Variants in ORC4 observed in about 807,000 individuals in gnomAD.
ORC4 encodes the protein origin recognition complex, subunit 4 homolog.
ORC4 carries 55 observed loss-of-function variants against 63.9 expected under a neutral mutation model. The observed-to-expected ratio is 0.86, with a 90% CI of 0.69 to 1.08. The LOEUF (loss-of-function observed/expected upper bound fraction) is 1.08. Ranked by LOEUF, ORC4 falls within the 50% of genes least tolerant of loss-of-function variation. The pLI is 0.00. For synonymous variants in ORC4, 150 were observed against 168.5 expected (o/e 0.89, Z 0.85); for missense variants, 511 against 504.4 (o/e 1.01, Z -0.13).
intron 4 of ORC4, among the ~76,000 whole-genome samples, chr2:147,963,112 C>A (rs886226345): frequency 6.6e-6 from 1 of 152,184 alleles, no homozygotes; most frequent in Non-Finnish European, 1.5e-5. Context: ...CCCTATAACT[C>A]CATCAGACAT....
At chr2:147,990,255 C>G (rs114194417) in intron 1 of ORC4, among the ~76,000 whole-genome samples, 1 of 152,136 alleles carries the variant, frequency 6.6e-6, no homozygotes, top group Non-Finnish European at 1.5e-5. Context: ...AGTCAAATAA[C>G]GTAAAATGAA....
intron 1 of ORC4, among the ~76,000 whole-genome samples, chr2:147,978,695 T>C (rs773388387): frequency 6.6e-6 from 1 of 152,130 alleles, no homozygotes; most frequent in Non-Finnish European, 1.5e-5. Context: ...CCTTGATGAA[T>C]ATAGGTGCAA....
intron 4 of ORC4, among the ~76,000 whole-genome samples, chr2:147,965,292 A>G (rs1339875217): frequency 6.6e-6 from 1 of 152,168 alleles, no homozygotes; most frequent in Non-Finnish European, 1.5e-5. Flanking sequence ...TCACTTATCA[A>G]TAATAATCTT....
chr2:148,012,696 C>G (rs1480381421), intron 1 of ORC4, among the ~76,000 whole-genome samples: 1 of 151,922 alleles, frequency 6.6e-6, no homozygotes, highest in Admixed American at 6.6e-5. Context: ...AAACTAATAT[C>G]TGACAAAGGA....
At chr2:147,991,717 A>T (rs1313575878) in intron 1 of ORC4, among the ~76,000 whole-genome samples, 1 of 152,070 alleles carries the variant, frequency 6.6e-6, no homozygotes, top group Non-Finnish European at 1.5e-5. Context: ...AATCCCAGAT[A>T]CTCGGGAAGC....
At chr2:148,013,236 G>A (rs1693081705) in intron 1 of ORC4, among the ~76,000 whole-genome samples, 1 of 151,846 alleles carries the variant, frequency 6.6e-6, no homozygotes, top group Non-Finnish European at 1.5e-5. Context: ...ACAATGGAAT[G>A]TTATTCAGCC....
chr2:148,021,003 C>A (rs1307692777), upstream of ORC4: 1 of 152,732 alleles, frequency 6.5e-6, no homozygotes, highest in African/African-American at 2.4e-5. Flanking sequence ...CCCCCTCCTC[C>A]TGCCTTCAAC....
chr2:148,013,077 C>T (rs1382055537), intron 1 of ORC4, among the ~76,000 whole-genome samples: 1 of 152,152 alleles, frequency 6.6e-6, no homozygotes, highest in East Asian at 1.9e-4. Context: ...AGCAATCCCA[C>T]TACTGTGTAT....
intron 4 of ORC4, among the ~76,000 whole-genome samples, chr2:147,968,131 C>T (rs554132573): frequency 6.0e-4 from 91 of 152,080 alleles, no homozygotes; most frequent in Admixed American, 1.1e-3. Context: ...TCATCCTGTA[C>T]AAAAATCATT....
intron 3 of ORC4, 43 bp downstream of exon 3, chr2:147,973,405 C>A (rs1430088986): frequency 8.6e-7 from 1 of 1,168,460 alleles, no homozygotes; most frequent in Admixed American, 1.7e-5. Context: ...TGGAAGGCAT[C>A]TGTAAGTAGG....
chr2:147,947,551 T>G (rs1688727312), intron 9 of ORC4: 1 of 152,322 alleles, frequency 6.6e-6, no homozygotes, highest in Non-Finnish European at 1.5e-5. Flanking sequence ...CTGTGAGATG[T>G]GATCACCTAT....
intron 1 of ORC4, among the ~76,000 whole-genome samples, chr2:148,016,846 G>T (rs1344147008): frequency 6.6e-6 from 1 of 152,110 alleles, no homozygotes; most frequent in Non-Finnish European, 1.5e-5. Context: ...CTAATGCATT[G>T]ACAGCTGATT....
chr2:147,972,543 A>T (rs185297259), intron 4 of ORC4, among the ~76,000 whole-genome samples, 196 bp downstream of exon 4: 1 of 152,240 alleles, frequency 6.6e-6, no homozygotes, highest in Non-Finnish European at 1.5e-5. Flanking sequence ...ACACTCAAAT[A>T]TACCACCCTA....
Position 147,975,992 on chromosome 2 carries a change from A to T in ORC4, c.-17-17T>A, listed in dbSNP as rs749290987. On this transcript the variant is annotated splice_polypyrimidine_tract_variant and intron_variant, in intron 1 of 13. Transcript: ENST00000392857. The stretch of plus-strand genomic sequence containing the variant: ...ATTCAAATCCTTTAAAAAAATTGGC[A>T]TAAATATTATAAACGTAGTGACTTA... The T allele has an allele frequency of 7.7e-6, 9 of 1,165,290 alleles. No individual in the cohort carries two copies. The East Asian group carries it at 1.6e-4, about 21-fold the overall frequency. 72.2% of individuals were successfully genotyped at this position (1,165,290 alleles called of 1,614,324 possible). A position where few individuals can be genotyped will look rare whatever the true frequency, so the allele number is the denominator to read the frequency against.
chr2:148,011,481 A>T (rs1453361604), intron 1 of ORC4, among the ~76,000 whole-genome samples: 1 of 152,222 alleles, frequency 6.6e-6, no homozygotes, highest in African/African-American at 2.4e-5. Flanking sequence ...CCTCAACATG[A>T]TAAAGCCATA....
At chr2:147,956,405 A>T (rs921861602) in intron 6 of ORC4, among the ~76,000 whole-genome samples, 1 of 152,056 alleles carries the variant, frequency 6.6e-6, no homozygotes, top group Admixed American at 6.6e-5. Flanking sequence ...TTTTTGCTTA[A>T]AAGATTATTA....
At chr2:147,985,039 T>C (rs72855228) in intron 1 of ORC4, among the ~76,000 whole-genome samples, 1 of 152,220 alleles carries the variant, frequency 6.6e-6, no homozygotes, top group Admixed American at 6.5e-5. Context: ...TGAGGTTTCA[T>C]GAGTACTTAT....
chr2:147,977,915 CAGG>C (rs1326568861), intron 1 of ORC4, among the ~76,000 whole-genome samples: 5 of 152,202 alleles, frequency 3.3e-5, no homozygotes, highest in Non-Finnish European at 5.9e-5. Context: ...AGGGTTGCTT[CAGG>C]GCCTACAGTC....
chr2:147,980,638 GA>G (rs752754567), intron 1 of ORC4, among the ~76,000 whole-genome samples: 13 of 152,204 alleles, frequency 8.5e-5, no homozygotes, highest in Admixed American at 4.6e-4. Context: ...GATTTTCAGG[GA>G]AGTACAAACA....
Sources: allele counts gnomAD v4.1 joint callset (sites outside exome capture counted in the v4.1 genomes callset), GRCh38; gene constraint gnomAD v4.1.1; transcripts MANE v1.5; gene names NCBI Gene and HGNC (gene_info 2026-07-23, HGNC 2026-07-21).